MTRF1: variants seen among roughly 807,000 people sequenced by gnomAD.
MTRF1 encodes the protein mitochondrial translation release factor 1, also known as peptide chain release factor 1, mitochondrial.
In MTRF1, 51 loss-of-function variants were observed where a neutral mutation model predicts 62.9. That is an observed-to-expected ratio of 0.81 (90% confidence interval 0.65 to 1.02). The LOEUF is 1.02. MTRF1 is among the 50% of genes least tolerant of loss of function. The pLI is 0.00. For synonymous variants in MTRF1, 158 were observed against 181.9 expected (o/e 0.87, Z 1.06); for missense variants, 446 against 530.0 (o/e 0.84, Z 1.56).
intron 8 of MTRF1, among the ~76,000 whole-genome samples, chr13:41,225,913 G>A (rs2138723319): frequency 6.7e-6 from 1 of 150,152 alleles, no homozygotes; most frequent in Non-Finnish European, 1.5e-5. Context: ...ATTTGAAAAA[G>A]TAACACTATA....
At chr13:41,272,930 T>G in the MTRF1 span, among the ~76,000 whole-genome samples, 1 of 152,068 alleles carries the variant, frequency 6.6e-6, no homozygotes, top group South Asian at 2.1e-4. Flanking sequence ...TCAGGGATTT[T>G]CTGGAGGGGT....
chr13:41,287,762 C>A, the MTRF1 span: 1 of 191,096 alleles, frequency 5.2e-6, no homozygotes, highest in South Asian at 1.1e-4. Flanking sequence ...GGCATTTTCT[C>A]TTCCTCTTCT....
At chr13:41,240,190 T>G in intron 6 of MTRF1, 71 bp downstream of exon 6, 2 of 1,383,944 alleles carry the variant, frequency 1.4e-6, no homozygotes, top group Non-Finnish European at 1.9e-6. Flanking sequence ...CAGATTTTCC[T>G]AGAAGCTAAG....
chr13:41,290,880 G>A, the MTRF1 span, among the ~76,000 whole-genome samples: 10 of 149,914 alleles, frequency 6.7e-5, no homozygotes, highest in Admixed American at 2.7e-4. Flanking sequence ...ATCACCTGAG[G>A]TCAGGAGTTC....
rs145849287 is a variant in MTRF1 at position 41,238,825 on chromosome 13, A to G, written c.870+1436T>C. 2.0e-5 allele frequency among the ~76,000 whole-genome samples: 3 copies of G among 152,298 alleles called. No individual in the cohort carries two copies. The East Asian group carries it at 5.8e-4, about 29-fold the overall frequency. On this transcript the variant is annotated intron_variant, in intron 6 of 9. Transcript: ENST00000379480. Reference sequence around the variant, plus strand: ...TCTGATAAGATGCAACATGACTATAACTGCACCTATGAAGTATTCTCGCTC... The same window carrying G: ...TCTGATAAGATGCAACATGACTATAGCTGCACCTATGAAGTATTCTCGCTC...
the MTRF1 span, among the ~76,000 whole-genome samples, chr13:41,270,913 A>C: frequency 6.6e-6 from 1 of 151,566 alleles, no homozygotes; most frequent in Non-Finnish European, 1.5e-5. Flanking sequence ...AATTTTTTGG[A>C]TTTTTAGTAG....
At chr13:41,280,720 G>A in the MTRF1 span, among the ~76,000 whole-genome samples, 43 of 152,152 alleles carry the variant, frequency 2.8e-4, no homozygotes, top group Non-Finnish European at 5.6e-4. Flanking sequence ...CACGCCACTG[G>A]TCACTCATAT....
the MTRF1 span, among the ~76,000 whole-genome samples, chr13:41,295,312 T>A: frequency 2.0e-5 from 3 of 152,166 alleles, no homozygotes; most frequent in Admixed American, 2.0e-4. Context: ...TTGTTCAGTA[T>A]AACCAGGAAA....
At chr13:41,281,935 G>T in the MTRF1 span, among the ~76,000 whole-genome samples, 1 of 152,056 alleles carries the variant, frequency 6.6e-6, no homozygotes, top group African/African-American at 2.4e-5. Flanking sequence ...AGGAGATCGA[G>T]ACCATCCTGG....
At chr13:41,277,908 A>C in the MTRF1 span, among the ~76,000 whole-genome samples, 1 of 152,244 alleles carries the variant, frequency 6.6e-6, no homozygotes, top group African/African-American at 2.4e-5. Context: ...TGGGGATTTT[A>C]GGAGTTATAT....
intron 5 of MTRF1, among the ~76,000 whole-genome samples, chr13:41,249,041 C>T (rs186703957): frequency 2.0e-4 from 31 of 152,176 alleles, no homozygotes; most frequent in African/African-American, 7.5e-4. Context: ...TGAATTTGTA[C>T]ATGAAACTGT....
intron 5 of MTRF1, among the ~76,000 whole-genome samples, chr13:41,246,299 A>G (rs1344050112): frequency 6.6e-6 from 1 of 151,296 alleles, no homozygotes; most frequent in Non-Finnish European, 1.5e-5. Flanking sequence ...AATGCTATCC[A>G]TGGGTTTTTG....
At chr13:41,236,864 A>G (rs1229570832) in intron 6 of MTRF1, among the ~76,000 whole-genome samples, 2 of 152,212 alleles carry the variant, frequency 1.3e-5, no homozygotes, top group African/African-American at 4.8e-5. Context: ...GTCAGTTAAG[A>G]GAACATAACC....
chr13:41,231,510 C>T (rs1196513546), intron 7 of MTRF1, among the ~76,000 whole-genome samples: 2 of 152,162 alleles, frequency 1.3e-5, no homozygotes, highest in Non-Finnish European at 2.9e-5. Flanking sequence ...AAGGTGAGAC[C>T]TTGACTTTAC....
chr13:41,274,756 C>T, the MTRF1 span, among the ~76,000 whole-genome samples: 2 of 151,854 alleles, frequency 1.3e-5, no homozygotes, highest in Admixed American at 1.3e-4. Context: ...GTGCCTCACC[C>T]TCCCAAGTAG....
chr13:41,234,091 ATTGTT>A (rs1347128103), intron 6 of MTRF1, 84 bp from the exon 7 acceptor site: 42 of 1,086,084 alleles, frequency 3.9e-5, no homozygotes, highest in African/African-American at 9.4e-5. Flanking sequence ...AATAAACTGT[ATTGTT>A]TTAAGATAAA....
chr13:41,306,335 G>A, the MTRF1 span, among the ~76,000 whole-genome samples: 1 of 151,458 alleles, frequency 6.6e-6, no homozygotes, highest in African/African-American at 2.4e-5. Context: ...AATGAGCCGA[G>A]ATCGCGCCAC....
chr13:41,228,241 T>C (rs974153476), intron 7 of MTRF1, among the ~76,000 whole-genome samples: 1 of 152,074 alleles, frequency 6.6e-6, no homozygotes, highest in African/African-American at 2.4e-5. Flanking sequence ...CCCTTAAGAA[T>C]AGAAGATGTA....
chr13:41,220,647 G>T, intron 9 of MTRF1: 1 of 1,254,630 alleles, frequency 8.0e-7, no homozygotes, highest in Non-Finnish European at 1.0e-6. Context: ...ACTGAGCCTT[G>T]GGAATAAATA....
Sources: gnomAD v4.1 joint callset for allele counts (sites outside exome capture counted in the v4.1 genomes callset) on GRCh38, gnomAD v4.1.1 for gene constraint, MANE v1.5 for transcripts, NCBI Gene and HGNC (gene_info 2026-07-23, HGNC 2026-07-21) for gene names.